PTCHD4: variants seen among roughly 807,000 people sequenced by gnomAD.
PTCHD4 encodes patched domain-containing protein 4.
PTCHD4 carries 33 observed loss-of-function variants against 58.1 expected under a neutral mutation model. The observed-to-expected ratio is 0.57, with a 90% confidence interval of 0.43 to 0.76. PTCHD4 has a LOEUF of 0.76. Among genes scored for constraint, PTCHD4 ranks in the 30% least tolerant of loss-of-function variants. PTCHD4 has a pLI of 0.00. For synonymous variants in PTCHD4, 478 were observed against 409.6 expected, an observed-to-expected ratio of 1.17 and a Z score of -2.02; for missense variants, 1,058 against 1,027.1, an observed-to-expected ratio of 1.03 and a Z score of -0.41.
At chr6:48,051,232 T>C (rs533635594) in intron 3 of PTCHD4, among the ~76,000 whole-genome samples, 4 of 152,060 alleles carry the variant, frequency 2.6e-5, no homozygotes, top group Non-Finnish European at 5.9e-5. Flanking sequence ...TGCTGATAAA[T>C]CACCCAAATA....
chr6:47,998,230 C>T (rs558358344), intron 4 of PTCHD4, among the ~76,000 whole-genome samples: 40 of 152,176 alleles, frequency 2.6e-4, no homozygotes, highest in African/African-American at 9.4e-4. Context: ...GGCTTAGATG[C>T]TGGAGAAATG....
intron 4 of PTCHD4, among the ~76,000 whole-genome samples, chr6:47,979,271 A>AT (rs1268484170): frequency 6.6e-6 from 1 of 152,158 alleles, no homozygotes; most frequent in African/African-American, 2.4e-5. Flanking sequence ...AAAGGTATGT[A>AT]TTTTTATAAA....
At chr6:48,064,007 A>T (rs1008018483) in intron 3 of PTCHD4, among the ~76,000 whole-genome samples, 1 of 152,208 alleles carries the variant, frequency 6.6e-6, no homozygotes, top group Admixed American at 6.5e-5. Context: ...GTTAAGAAGC[A>T]GGAAAGTCTA....
intron 4 of PTCHD4, among the ~76,000 whole-genome samples, chr6:47,931,833 G>C (rs991083609): frequency 6.6e-6 from 1 of 151,784 alleles, no homozygotes; most frequent in Non-Finnish European, 1.5e-5. Flanking sequence ...CCTAGACAGT[G>C]TGTCGTGTAT....
chr6:47,892,731 C>T (rs536105381), intron 4 of PTCHD4, among the ~76,000 whole-genome samples: 1 of 152,204 alleles, frequency 6.6e-6, no homozygotes, highest in Non-Finnish European at 1.5e-5. Flanking sequence ...GAAAAATCTT[C>T]AAAGCTGTAG....
intron 4 of PTCHD4, among the ~76,000 whole-genome samples, chr6:48,002,023 TG>T (rs1217828271): frequency 6.6e-6 from 1 of 152,226 alleles, no homozygotes; most frequent in Non-Finnish European, 1.5e-5. Flanking sequence ...TCATCATCAC[TG>T]GCCATCAGAG....
At position 47,878,448 on chromosome 6, in the gene PTCHD4, C is replaced by T; in HGVS notation, c.2387G>A (p.Cys796Tyr). Residue 796 changes from cysteine (C) to tyrosine (Y), a missense_variant, in exon 5 of 5, where the codon TGT (cysteine) becomes TAT (tyrosine). By Grantham distance (194) the Cys-to-Tyr change is radical. Transcript: ENST00000339488. Reference sequence around the variant, plus strand: ...TAGGAACACAGGTAAAATAACAAAACAGTGCAGAAGTGTGCAACCCCCAGT... The same window carrying T: ...TAGGAACACAGGTAAAATAACAAAATAGTGCAGAAGTGTGCAACCCCCAGT... ...LLTGGCTLLH[C>Y]FVILPVFLTF... The T allele has an allele frequency of 6.2e-7, 1 of 1,613,380 alleles. No individual in the cohort carries two copies. The highest frequency in any genetic ancestry group is 8.5e-7 in the Non-Finnish European group (1 of 1,179,646).
chr6:47,957,456 G>A (rs1055776977), intron 4 of PTCHD4, among the ~76,000 whole-genome samples: 1 of 150,622 alleles, frequency 6.6e-6, no homozygotes, highest in African/African-American at 2.4e-5. Flanking sequence ...CAGACCAATC[G>A]ACATATGGTG....
At chr6:48,061,321 G>A (rs2113869051) in intron 3 of PTCHD4, among the ~76,000 whole-genome samples, 1 of 152,282 alleles carries the variant, frequency 6.6e-6, no homozygotes, top group Non-Finnish European at 1.5e-5. Context: ...GTAGATGATA[G>A]GGATGAGGGT....
chr6:47,908,007 T>G (rs1020116268), intron 4 of PTCHD4, among the ~76,000 whole-genome samples: 2 of 152,114 alleles, frequency 1.3e-5, no homozygotes, highest in African/African-American at 4.8e-5. Context: ...AACCCTTACA[T>G]GAAATTGATT....
chr6:47,907,618 T>A (rs1434507135), intron 4 of PTCHD4, among the ~76,000 whole-genome samples: 1 of 152,230 alleles, frequency 6.6e-6, no homozygotes, highest in Non-Finnish European at 1.5e-5. Flanking sequence ...CAAAAAGTCC[T>A]GTTAAAAGTC....
chr6:48,047,288 C>T (rs566661553), intron 3 of PTCHD4, among the ~76,000 whole-genome samples: 96 of 151,626 alleles, frequency 6.3e-4, no homozygotes, highest in African/African-American at 2.0e-3. Flanking sequence ...CAAGAAAATC[C>T]CCCTCTAATT....
intron 4 of PTCHD4, chr6:47,902,051 T>TCAA (rs957110983): frequency 3.2e-5 from 17 of 537,808 alleles, no homozygotes; most frequent in Non-Finnish European, 4.7e-5. Flanking sequence ...ATCACCATCA[T>TCAA]CAACAACAAC....
intron 1 of PTCHD4, among the ~76,000 whole-genome samples, chr6:48,106,290 G>T (rs1765721535): frequency 6.6e-6 from 1 of 152,088 alleles, no homozygotes; most frequent in Non-Finnish European, 1.5e-5. Context: ...TGCAAGCCTG[G>T]TTCAACATAC....
chr6:48,011,011 C>A (rs1319879783), intron 3 of PTCHD4, among the ~76,000 whole-genome samples: 1 of 152,184 alleles, frequency 6.6e-6, no homozygotes, highest in Non-Finnish European at 1.5e-5. Context: ...CAAATCTTTG[C>A]TACTGTGAAC....
intron 3 of PTCHD4, among the ~76,000 whole-genome samples, chr6:48,011,329 GT>G (rs1762663829): frequency 6.6e-6 from 1 of 152,202 alleles, no homozygotes; most frequent in African/African-American, 2.4e-5. Context: ...CTAATGAGCA[GT>G]GATGATGAGG....
chr6:48,053,782 G>T (rs1764314886), intron 3 of PTCHD4, among the ~76,000 whole-genome samples: 1 of 152,060 alleles, frequency 6.6e-6, no homozygotes, highest in African/African-American at 2.4e-5. Flanking sequence ...TTATAGATTA[G>T]GGAAGTACAG....
intron 4 of PTCHD4, among the ~76,000 whole-genome samples, chr6:47,915,541 T>C (rs1765215903): frequency 6.7e-6 from 1 of 149,378 alleles, no homozygotes; most frequent in African/African-American, 2.5e-5. Context: ...TCTCAGCTGG[T>C]AGAAAAGACT....
Position 47,878,156 on chromosome 6 carries a change from G to A in PTCHD4, c.*147C>T, listed in dbSNP as rs947899254. The A allele has an allele frequency of 1.7e-6, 1 of 597,086 alleles. No homozygotes were observed. The highest frequency in any genetic ancestry group is 1.9e-5 in the African/African-American group (1 of 53,054). 37.0% of individuals were successfully genotyped at this position (597,086 alleles called of 1,614,324 possible). ...ATTCCCTCTTCCCCCCAAGAAGCAG[G>A]CACCTTGAAGTGTCATGAATAATGC... is the stretch of plus-strand genomic sequence containing the variant. On this transcript the variant is annotated 3_prime_UTR_variant, in exon 5 of 5. Transcript: ENST00000339488.
Sources: gnomAD v4.1 joint callset for allele counts (sites outside exome capture counted in the v4.1 genomes callset) on GRCh38, gnomAD v4.1.1 for gene constraint, MANE v1.5 for transcripts, NCBI Gene and HGNC (gene_info 2026-07-23, HGNC 2026-07-21) for gene names.